The following C7orf33 variants were observed in gnomAD, a reference collection of about 807,000 sequenced individuals.
C7orf33 encodes the protein chromosome 7 open reading frame 33.
A neutral mutation model predicts 13.4 loss-of-function variants in C7orf33; 15 were observed. The observed-to-expected ratio is 1.12, with a 90% CI of 0.75 to 1.72. The LOEUF is 1.72. Among genes scored for constraint, C7orf33 ranks in the 40% most tolerant of loss-of-function variants. The probability of loss-of-function intolerance (pLI) is 0.00; values close to 1 mark genes in which losing one functional copy is unlikely to be tolerated. For synonymous variants in C7orf33, 73 were observed against 83.2 expected, an observed-to-expected ratio of 0.88 and a Z score of 0.67; for missense variants, 187 against 220.3, an observed-to-expected ratio of 0.85 and a Z score of 0.96.
rs1479457147 is a variant in C7orf33, at chr7:148,615,612, G to A, written c.*211G>A. On this transcript the variant is annotated 3_prime_UTR_variant, in exon 3 of 3. Transcript: ENST00000307003. Reference sequence around the variant, plus strand: ...TCCACGTGTACCTGCAGGAATCTGTGTGGCATTTGTGCACTGGTGTGGGGC... The same window carrying A: ...TCCACGTGTACCTGCAGGAATCTGTATGGCATTTGTGCACTGGTGTGGGGC... 5 of 467,028 alleles carry A rather than the reference G, an allele frequency of 1.1e-5. No individual in the cohort carries two copies. Among genetic ancestry groups the A allele is most frequent in the Admixed American group, 1.0e-4 (3 of 30,020 alleles). 28.9% of individuals were successfully genotyped at this position (467,028 alleles called of 1,614,324 possible).
intron 1 of C7orf33, among the ~76,000 whole-genome samples, chr7:148,597,575 C>T (rs1055012453): frequency 6.6e-6 from 1 of 152,094 alleles, no homozygotes; most frequent in African/African-American, 2.4e-5. Context: ...AGCCACTGTA[C>T]CCTGCCCAAA....
At chr7:148,613,975 T>C (rs1796573862) in intron 1 of C7orf33, 67 bp from the exon 2 acceptor site, 1 of 1,507,136 alleles carries the variant, frequency 6.6e-7, no homozygotes, top group Non-Finnish European at 9.1e-7. Flanking sequence ...GAGAACAAAT[T>C]AGTAGCTTAC....
At chr7:148,594,119 C>T (rs1447308358) in intron 1 of C7orf33, among the ~76,000 whole-genome samples, 1 of 151,800 alleles carries the variant, frequency 6.6e-6, no homozygotes, top group Non-Finnish European at 1.5e-5. Context: ...GCCGAGCAGA[C>T]GCCATGTTTC....
At chr7:148,600,573 A>G (rs1563121934) in intron 1 of C7orf33, among the ~76,000 whole-genome samples, 1 of 152,206 alleles carries the variant, frequency 6.6e-6, no homozygotes, top group East Asian at 1.9e-4. Flanking sequence ...ACTGTCAATG[A>G]GGTTTTCAAA....
In C7orf33 at chr7:148,614,166, T is replaced by C. The variant is rs752097738; in HGVS notation, c.329T>C (p.Val110Ala). The C allele has an allele frequency of 1.6e-5, 26 of 1,614,070 alleles. No homozygotes were observed. The highest frequency in any genetic ancestry group is 2.1e-5 in the Non-Finnish European group (25 of 1,180,044). The stretch of plus-strand genomic sequence containing the variant: ...GGTCCCACGGATGCCCAGAGAGCAG[T>C]CAGAATCAGGCCAGGCACCAGGATG... ...SQGPTDAQRA[V>A]RIRPGTRMGL... The change falls in exon 2 of 3, where the codon GTC becomes GCC. Residue 110 changes from valine (V) to alanine (A), a missense_variant. Physicochemically the swap from Val to Ala is moderately conservative, Grantham distance 64. Coordinates refer to ENST00000307003, the MANE Select transcript of C7orf33 (RefSeq NM_145304.4).
In C7orf33 at chr7:148,591,096, A is replaced by G; in HGVS notation, c.171A>G (p.Gln57=). ...TCCACGTTAGGGGCGGTCCAGGTCA[A>G]TTTAACTTGTCATATGCCACGGGAA... The part of the protein sequence containing the change: ...VWVHVRGGPG[Q]FNLSYATGRH... The change falls in exon 1 of 3, where the codon CAA becomes CAG. Residue 57 remains glutamine (Q), a synonymous_variant. Coordinates refer to ENST00000307003, the MANE Select transcript of C7orf33 (RefSeq NM_145304.4). 6.2e-7 allele frequency: 1 copy of G among 1,613,462 alleles called. No individual in the cohort carries two copies. The highest frequency in any genetic ancestry group is 8.5e-7 in the Non-Finnish European group (1 of 1,179,858).
At chr7:148,606,460 T>C (rs1009633827) in intron 1 of C7orf33, among the ~76,000 whole-genome samples, 8 of 152,186 alleles carry the variant, frequency 5.3e-5, no homozygotes, top group Non-Finnish European at 1.2e-4. Context: ...ATGCTGAAGT[T>C]GGTAGCCCAC....
intron 1 of C7orf33, among the ~76,000 whole-genome samples, chr7:148,598,849 CT>C (rs1400968861): frequency 7.3e-6 from 1 of 137,218 alleles, no homozygotes; most frequent in Non-Finnish European, 1.5e-5. Flanking sequence ...AATTATTTAT[CT>C]TTTTTTAATT....
intron 1 of C7orf33, among the ~76,000 whole-genome samples, chr7:148,597,582 C>T (rs902256058): frequency 3.9e-5 from 6 of 151,982 alleles, no homozygotes; most frequent in African/African-American, 1.2e-4. Flanking sequence ...GTACCCTGCC[C>T]AAAAATATTT....
At chr7:148,598,761 TATAGAGAGAGAGAGAGAGAGAGAGAG>T (rs1433886191) in intron 1 of C7orf33, among the ~76,000 whole-genome samples, 1 of 27,510 alleles carries the variant, frequency 3.6e-5, no homozygotes, top group African/African-American at 2.2e-4. Context: ...TATATATATA[TATAGAGAGAGAGAGAGAGAGAGAGAG>T]AGAGAGAGAG....
At chr7:148,607,612 T>A (rs1478947925) in intron 1 of C7orf33, among the ~76,000 whole-genome samples, 1 of 152,168 alleles carries the variant, frequency 6.6e-6, no homozygotes, top group Non-Finnish European at 1.5e-5. Context: ...CAATAAATGC[T>A]TCCTATCTGA....
At chr7:148,607,811 G>A (rs952405815) in intron 1 of C7orf33, among the ~76,000 whole-genome samples, 2 of 152,080 alleles carry the variant, frequency 1.3e-5, no homozygotes, top group Non-Finnish European at 2.9e-5. Flanking sequence ...GTACCCAGGC[G>A]AGCCTGACAC....
chr7:148,611,569 G>T (rs182684094), intron 1 of C7orf33, among the ~76,000 whole-genome samples: 111 of 152,128 alleles, frequency 7.3e-4, no homozygotes, highest in African/African-American at 2.5e-3. Context: ...GCTGAGTGCC[G>T]CCTCCATCAC....
chr7:148,614,094 T>C lies in C7orf33; in HGVS notation c.257T>C (p.Val86Ala), dbSNP rs1333416235. 6.2e-7 allele frequency: 1 copy of C among 1,614,088 alleles called. No individual in the cohort carries two copies. Reference sequence around the variant, plus strand: ...CGGGGGATGGAATTTATTGCTCCTGTATCAGCTCCCACCAAATCTGGTGCC... The same window carrying C: ...CGGGGGATGGAATTTATTGCTCCTGCATCAGCTCCCACCAAATCTGGTGCC... ...MNRGMEFIAP[V>A]SAPTKSGAPW... Residue 86 changes from valine to alanine, a missense_variant, in exon 2 of 3, where the codon GTA becomes GCA. Transcript: ENST00000307003.
At chr7:148,610,251 G>A (rs1796522370) in intron 1 of C7orf33, among the ~76,000 whole-genome samples, 2 of 152,246 alleles carry the variant, frequency 1.3e-5, no homozygotes, top group South Asian at 4.2e-4. Context: ...TGTCTGTCAG[G>A]GTGTTGCCAA....
intron 2 of C7orf33, 88 bp from the exon 3 acceptor site, chr7:148,615,239 G>A: frequency 2.2e-6 from 2 of 896,632 alleles, no homozygotes; most frequent in Non-Finnish European, 3.7e-6. Flanking sequence ...ATGCCAGGCT[G>A]AGACAGTGTT....
intron 1 of C7orf33, among the ~76,000 whole-genome samples, chr7:148,597,266 A>G (rs1397669711): frequency 6.6e-6 from 1 of 151,852 alleles, no homozygotes; most frequent in African/African-American, 2.4e-5. Context: ...AAATGTATTT[A>G]AAATGTTATT....
At position 148,614,451 on chromosome 7, in the gene C7orf33, C is replaced by T. The variant is rs1796580010; in HGVS notation, c.459+155C>T. On this transcript the variant is annotated intron_variant, in intron 2 of 2. Transcript: ENST00000307003. Reference sequence around the variant, plus strand: ...TGTCCAGCATGAAACTGATCTGATCCCATGCTTTTTTGCCAACTTGATTTA... The same window carrying T: ...TGTCCAGCATGAAACTGATCTGATCTCATGCTTTTTTGCCAACTTGATTTA... Among the ~76,000 whole-genome samples the T allele has an allele frequency of 3.3e-5, 5 of 152,266 alleles. No individual in the cohort carries two copies. The South Asian group carries it at 1.0e-3, about 32-fold the overall frequency.
chr7:148,598,751 TATATATATATATAGAGAGAGAGAG>T (rs1240935275), intron 1 of C7orf33, among the ~76,000 whole-genome samples: 185 of 68,536 alleles, frequency 2.7e-3, no homozygotes, highest in African/African-American at 7.5e-3. Flanking sequence ...TATATATATA[TATATATATATATAGAGAGAGAGAG>T]AGAGAGAGAG....
Sources: gnomAD v4.1 joint callset for allele counts (sites outside exome capture counted in the v4.1 genomes callset) on GRCh38, gnomAD v4.1.1 for gene constraint, MANE v1.5 for transcripts, NCBI Gene and HGNC (gene_info 2026-07-23, HGNC 2026-07-21) for gene names.